The following DCTN4 variants were observed in gnomAD, a reference collection of about 807,000 sequenced individuals.
DCTN4 encodes the protein dynactin 4 (p62).
Under a neutral mutation model 62.7 loss-of-function variants are expected in DCTN4, and 23 were observed. The ratio of observed to expected loss-of-function variants is 0.37; its 90% CI spans 0.26 to 0.52. DCTN4 has a LOEUF of 0.52. Among genes scored for constraint, DCTN4 ranks in the 20% least tolerant of loss-of-function variants. DCTN4 has a pLI of 0.92. For missense variants in DCTN4, 514 were observed against 580.4 expected, an observed-to-expected ratio of 0.89 and a Z score of 1.18; for synonymous variants, 199 against 202.1, an observed-to-expected ratio of 0.98 and a Z score of 0.13.
At chr5:150,715,059 A>G (rs938927922) in intron 12 of DCTN4, among the ~76,000 whole-genome samples, 4 of 151,854 alleles carry the variant, frequency 2.6e-5, no homozygotes, top group African/African-American at 9.7e-5. Context: ...CATTCAGTCT[A>G]CAGACTGAAT....
chr5:150,719,732 T>C lies in DCTN4; in HGVS notation c.947A>G (p.Asn316Ser), dbSNP rs1561690446. Residue 316 changes from asparagine to serine, a missense_variant, in exon 10 of 13, where the codon AAC becomes AGC. Transcript: ENST00000447998. ...GGTACTAACCTTCATGTAGCGAAGGTTGGGAATTGACATGATTCTCACTTC... is the reference window on the plus strand; with the variant it reads ...GGTACTAACCTTCATGTAGCGAAGGCTGGGAATTGACATGATTCTCACTTC... ...IPEVRIMSIP[N>S]LRYMKESQVL... 6 of 1,611,054 alleles carry C rather than the reference T, an allele frequency of 3.7e-6. No individual in the cohort carries two copies. The highest frequency in any genetic ancestry group is 5.1e-6 in the Non-Finnish European group (6 of 1,177,860).
rs145331386 is a variant in DCTN4, at chr5:150,724,192, T to C, written c.835-1212A>G. ...TTTTTTTTAATTTTTCATTTTCTCA[T>C]TGCAGTTTTAATGTACATTTCCCTG... On this transcript the variant is annotated intron_variant, in intron 8 of 12. Coordinates refer to ENST00000447998, the MANE Select transcript of DCTN4 (RefSeq NM_016221.4). Among the ~76,000 whole-genome samples, 485 of 152,324 alleles carry C rather than the reference T, an allele frequency of 3.2e-3. 1 individual carries two copies. The highest frequency in any genetic ancestry group is 4.7e-3 in the Non-Finnish European group (322 of 68,014).
At chr5:150,712,061 C>T (rs1318257401) in intron 12 of DCTN4, among the ~76,000 whole-genome samples, 1 of 152,126 alleles carries the variant, frequency 6.6e-6, no homozygotes, top group African/African-American at 2.4e-5. Context: ...CTGCAAACAT[C>T]CCTTTACATT....
chr5:150,733,415 G>C lies in DCTN4; in HGVS notation c.490C>G (p.Arg164Gly), dbSNP rs555308858. 1 of 1,613,972 alleles carries C rather than the reference G, an allele frequency of 6.2e-7. No individual in the cohort carries two copies. Among genetic ancestry groups the C allele is most frequent in the South Asian group, 1.1e-5 (1 of 91,056 alleles). ...LAQKEKVERDRKKLARRRNYM... is the reference protein window; with the variant it reads ...LAQKEKVERDGKKLARRRNYM... ...TTTCTACGTCGTGCCAGTTTCTTGC[G>C]ATCTCGCTCAACCTTCTCTTTCTGA... The change falls in exon 5 of 13, where the codon CGC becomes GGC. Residue 164 changes from arginine (R) to glycine (G), a missense_variant. Physicochemically the swap from Arg to Gly is moderately radical, Grantham distance 125. Transcript: ENST00000447998.
intron 10 of DCTN4, among the ~76,000 whole-genome samples, chr5:150,719,199 C>G (rs1196592791): frequency 1.3e-5 from 2 of 152,166 alleles, no homozygotes; most frequent in African/African-American, 4.8e-5. Flanking sequence ...CAAAACAAAT[C>G]TTTCAAATGA....
intron 4 of DCTN4, 112 bp downstream of exon 4, chr5:150,742,002 G>T (rs1405358788): frequency 4.5e-6 from 4 of 882,174 alleles, no homozygotes; most frequent in Non-Finnish European, 7.7e-6. Context: ...GTGCAAAGAC[G>T]TATTATGGAC....
intron 8 of DCTN4, among the ~76,000 whole-genome samples, chr5:150,729,042 C>CCTTTTTTTTTTTTTTTTTTTTTT (rs762124472): frequency 3.8e-5 from 2 of 52,140 alleles, no homozygotes; most frequent in African/African-American, 1.5e-4. Context: ...ACCACACTGG[C>CCTTTTTTTTTTTTTTTTTTTTTT]TTTTTTTTTT....
chr5:150,723,716 C>G (rs2113020456), intron 8 of DCTN4, among the ~76,000 whole-genome samples: 1 of 152,270 alleles, frequency 6.6e-6, no homozygotes, highest in South Asian at 2.1e-4. Context: ...AAAAGGTGTC[C>G]AGTGTAAAGA....
chr5:150,715,953 G>C (rs192463471), intron 11 of DCTN4, among the ~76,000 whole-genome samples: 13 of 152,240 alleles, frequency 8.5e-5, no homozygotes, highest in Non-Finnish European at 1.8e-4. Flanking sequence ...GCCCAGGCTA[G>C]AGTGCAAATG....
chr5:150,721,170 T>G (rs1759944731), intron 9 of DCTN4, among the ~76,000 whole-genome samples: 2 of 152,292 alleles, frequency 1.3e-5, no homozygotes, highest in East Asian at 3.9e-4. Flanking sequence ...TCCTCCTAAC[T>G]CACTAGACAT....
chr5:150,724,620 G>A (rs1760072320), intron 8 of DCTN4, among the ~76,000 whole-genome samples: 1 of 152,100 alleles, frequency 6.6e-6, no homozygotes, highest in African/African-American at 2.4e-5. Flanking sequence ...TGTAGGGTGA[G>A]GTAGCAACCC....
chr5:150,758,792 GGCAGTGACTA>G, intron 1 of DCTN4, 57 bp downstream of exon 1: 1 of 1,583,414 alleles, frequency 6.3e-7, no homozygotes. Context: ...GCCTTCCGGT[GGCAGTGACTA>G]GCATGAACGC....
In DCTN4 at chr5:150,753,420, TG is replaced by T. The variant is rs1000293874; in HGVS notation, c.385+58del. 15 of 1,475,888 alleles carry T rather than the reference TG, an allele frequency of 1.0e-5. No homozygotes were observed. In the African/African-American group the frequency reaches 2.1e-4, roughly 21 times the overall value. 91.4% of individuals were successfully genotyped at this position (1,475,888 alleles called of 1,614,324 possible). ...AACGGGTTACAGAAATAATAATCTA[TG>T]GGCAATTATAGCACTGTCAATTGTA... is the stretch of plus-strand genomic sequence containing the variant. On this transcript the variant is annotated intron_variant, in intron 3 of 12. Coordinates refer to ENST00000447998, the MANE Select transcript of DCTN4 (RefSeq NM_016221.4).
chr5:150,711,185 C>A lies in DCTN4; in HGVS notation c.1347G>T (p.Gln449His). 2 of 1,612,460 alleles carry A rather than the reference C, an allele frequency of 1.2e-6. No individual in the cohort carries two copies. The highest frequency in any genetic ancestry group is 1.7e-6 in the Non-Finnish European group (2 of 1,180,032). The change falls in exon 13 of 13, where the codon CAG becomes CAT. Residue 449 changes from glutamine (Q) to histidine (H), a missense_variant. Physicochemically the swap from Gln to His is conservative, Grantham distance 24. Transcript: ENST00000447998. ...GTGGGCCCAAGCTAAGTTCCACATGCTGGGTGAGCCAGATGACTTCTGTTC... is the reference window on the plus strand; with the variant it reads ...GTGGGCCCAAGCTAAGTTCCACATGATGGGTGAGCCAGATGACTTCTGTTC... ...DQGTEVIWLT[Q>H]HVELSLGPLL...
Position 150,710,519 on chromosome 5 carries a change from C to T in DCTN4, c.*630G>A, listed in dbSNP as rs1759520640. ...ACAACTAATACGTGTCCTGTATTCA[C>T]TTAGAAAAAGAGGGCAAATGAGAGT... On this transcript the variant is annotated 3_prime_UTR_variant, in exon 13 of 13. Coordinates refer to ENST00000447998, the MANE Select transcript of DCTN4 (RefSeq NM_016221.4). 6.5e-6 allele frequency: 1 copy of T among 152,904 alleles called. No homozygotes were observed. The highest frequency in any genetic ancestry group is 6.5e-5 in the Admixed American group (1 of 15,370). The allele number at this position is 152,904 out of a possible 1,614,324, so 9.5% of individuals were successfully genotyped here. A position where few individuals can be genotyped will look rare whatever the true frequency, so the allele number is the denominator to read the frequency against.
chr5:150,718,429 G>A, intron 10 of DCTN4, 46 bp from the exon 11 acceptor site: 1 of 1,425,696 alleles, frequency 7.0e-7, no homozygotes, highest in Non-Finnish European at 9.8e-7. Flanking sequence ...CACTTTCTTA[G>A]CTGCTATACC....
intron 5 of DCTN4, among the ~76,000 whole-genome samples, chr5:150,732,059 T>C (rs1278608286): frequency 6.6e-6 from 1 of 152,242 alleles, no homozygotes; most frequent in East Asian, 1.9e-4. Flanking sequence ...CACACATTGG[T>C]GCATATGCTG....
In DCTN4 at chr5:150,758,922, G is replaced by A; in HGVS notation, c.72C>T (p.Leu24=). 5 of 1,614,148 alleles carry A rather than the reference G, an allele frequency of 3.1e-6. No homozygotes were observed. Among genetic ancestry groups the A allele is most frequent in the Non-Finnish European group, 4.2e-6 (5 of 1,180,034 alleles). The change falls in exon 1 of 13, where the codon CTC becomes CTT. Residue 24 remains leucine, a synonymous_variant. Coordinates refer to ENST00000447998, the MANE Select transcript of DCTN4 (RefSeq NM_016221.4). ...VQGEKKVRAP[L]SQLYFCRYCS... ...AATAGCGGCAGAAGTAGAGTTGCGA[G>A]AGCGGGGCCCGAACCTTCTTTTCTC...
intron 4 of DCTN4, among the ~76,000 whole-genome samples, chr5:150,735,764 A>G (rs1022203239): frequency 4.6e-5 from 7 of 152,196 alleles, no homozygotes; most frequent in Non-Finnish European, 1.0e-4. Flanking sequence ...TAACACCCCA[A>G]AAAGATTACA....
Sources: allele counts gnomAD v4.1 joint callset (sites outside exome capture counted in the v4.1 genomes callset), GRCh38; gene constraint gnomAD v4.1.1; transcripts MANE v1.5; gene names NCBI Gene and HGNC (gene_info 2026-07-23, HGNC 2026-07-21).